Variants in IL17RD observed in about 807,000 individuals in gnomAD.
The protein encoded by IL17RD is interleukin-17 receptor D.
Under a neutral mutation model 80.5 loss-of-function variants are expected in IL17RD, and 52 were observed. That is an observed-to-expected ratio of 0.65 (90% CI 0.52 to 0.81). The LOEUF is 0.81. Ranked by LOEUF, IL17RD falls within the 40% of genes least tolerant of loss-of-function variation. The probability of loss-of-function intolerance (pLI) is 0.00; values close to 1 mark genes in which losing one functional copy is unlikely to be tolerated. For synonymous variants in IL17RD, 416 were observed against 391.8 expected (o/e 1.06, Z -0.73); for missense variants, 1,024 against 955.1 (o/e 1.07, Z -0.95).
At chr3:57,104,467 C>A in intron 7 of IL17RD, 60 bp from the exon 8 acceptor site, 1 of 1,089,282 alleles carries the variant, frequency 9.2e-7, no homozygotes, top group Non-Finnish European at 1.4e-6. Flanking sequence ...CTTCAGGACA[C>A]CTCTTCTCCC....
chr3:57,160,188 G>A (rs2060294264), intron 1 of IL17RD, among the ~76,000 whole-genome samples: 1 of 152,164 alleles, frequency 6.6e-6, no homozygotes, highest in African/African-American at 2.4e-5. Flanking sequence ...AGAGGCAGCG[G>A]GGAATGAAGG....
rs1706719364 is a variant in IL17RD at position 57,097,801 on chromosome 3, C to A, written c.1902G>T (p.Arg634=). ...GGGCGGCGCTACCGTCAAGGGCAGG[C>A]CGGGCCTCCCCGTCTTGGTCCAGGC... ...HGGLDQDGEA[R]PALDGSAALQ... is the part of the protein sequence containing the mutation. The change falls in exon 12 of 13, where the codon CGG becomes CGT. Residue 634 remains arginine (R), a synonymous_variant. Coordinates refer to ENST00000296318, the MANE Select transcript of IL17RD (RefSeq NM_017563.5). The A allele has an allele frequency of 1.2e-6, 2 of 1,605,180 alleles. No homozygotes were observed. The highest frequency in any genetic ancestry group is 1.7e-6 in the Non-Finnish European group (2 of 1,175,924).
intron 1 of IL17RD, among the ~76,000 whole-genome samples, chr3:57,125,037 T>C (rs186183111): frequency 2.0e-5 from 3 of 152,352 alleles, no homozygotes; most frequent in South Asian, 2.1e-4. Context: ...TTTGGAGTTA[T>C]GCAGATGTGT....
rs1477934776 is a variant in IL17RD, at chr3:57,094,742, C to A, written c.*1651G>T. On this transcript the variant is annotated 3_prime_UTR_variant, in exon 13 of 13. Coordinates refer to ENST00000296318, the MANE Select transcript of IL17RD (RefSeq NM_017563.5). ...GTCATGTGTGGGTAGGAGCTCTGCACTCATTCCAGATTCCATAGGAACAAC... is the reference window on the plus strand; with the variant it reads ...GTCATGTGTGGGTAGGAGCTCTGCAATCATTCCAGATTCCATAGGAACAAC... 6.6e-6 allele frequency: 1 copy of A among 152,174 alleles called. No individual in the cohort carries two copies. Among genetic ancestry groups the A allele is most frequent in the Non-Finnish European group, 1.5e-5 (1 of 68,024 alleles). 9.4% of individuals were successfully genotyped at this position (152,174 alleles called of 1,614,324 possible). A position where few individuals can be genotyped will look rare whatever the true frequency, so the allele number is the denominator to read the frequency against.
rs1706602466 is a variant in IL17RD, at chr3:57,093,447, C to CAA, written c.*2945_*2946insTT. On this transcript the variant is annotated 3_prime_UTR_variant, in exon 13 of 13. Coordinates refer to ENST00000296318, the MANE Select transcript of IL17RD (RefSeq NM_017563.5). ...AGGAATAAAATTGGTCCTCTTGCCC[C>CAA]TTATTTCTTTTAAAAGAAAAGATGC... 1 of 152,108 alleles carries CAA rather than the reference C, an allele frequency of 6.6e-6. No homozygotes were observed. Among genetic ancestry groups the CAA allele is most frequent in the African/African-American group, 2.4e-5 (1 of 41,408 alleles). 9.4% of individuals were successfully genotyped at this position (152,108 alleles called of 1,614,324 possible).
chr3:57,120,349 G>A (rs776096114), intron 1 of IL17RD, 36 bp from the exon 2 acceptor site: 1 of 1,529,178 alleles, frequency 6.5e-7, no homozygotes, highest in South Asian at 1.1e-5. Flanking sequence ...GCAGAGTGAA[G>A]CCAATTTGCT....
chr3:57,159,885 T>TG (rs1256851726), intron 1 of IL17RD, among the ~76,000 whole-genome samples: 4 of 151,984 alleles, frequency 2.6e-5, no homozygotes, highest in East Asian at 1.9e-4. Context: ...GAAGAGGCAG[T>TG]GGGGGGCCAG....
In IL17RD at chr3:57,096,340, G is replaced by A; in HGVS notation, c.*53C>T. 1 of 1,186,302 alleles carries A rather than the reference G, an allele frequency of 8.4e-7. No individual in the cohort carries two copies. The highest frequency in any genetic ancestry group is 1.3e-6 in the Non-Finnish European group (1 of 789,066). 73.5% of individuals were successfully genotyped at this position (1,186,302 alleles called of 1,614,324 possible). ...CATGCAACCAGGGAGATGAGCTGGG[G>A]AATCAGAGGGAGGCAGCAGCTAAAG... is the stretch of plus-strand genomic sequence containing the variant. On this transcript the variant is annotated 3_prime_UTR_variant, in exon 13 of 13. Coordinates refer to ENST00000296318, the MANE Select transcript of IL17RD (RefSeq NM_017563.5).
intron 1 of IL17RD, chr3:57,142,548 GCCTC>G: frequency 7.8e-7 from 1 of 1,274,160 alleles, no homozygotes; most frequent in South Asian, 1.2e-5. Context: ...CCCCACTCCG[GCCTC>G]CTGGCAGGGA....
At chr3:57,153,586 AC>A (rs1317585176) in intron 1 of IL17RD, among the ~76,000 whole-genome samples, 1 of 152,260 alleles carries the variant, frequency 6.6e-6, no homozygotes, top group Non-Finnish European at 1.5e-5. Context: ...ATTATGAATG[AC>A]ATTAAAAGGA....
At chr3:57,158,248 G>C (rs752935612) in intron 1 of IL17RD, among the ~76,000 whole-genome samples, 1 of 152,128 alleles carries the variant, frequency 6.6e-6, no homozygotes, top group Admixed American at 6.5e-5. Context: ...TATTAGATCA[G>C]GTATGGAATG....
At chr3:57,110,057 G>A (rs566589219) in intron 4 of IL17RD, 136 bp downstream of exon 4, 3 of 933,922 alleles carry the variant, frequency 3.2e-6, no homozygotes, top group Non-Finnish European at 3.2e-6. Flanking sequence ...AGGTGCTGCT[G>A]TACCATTCTT....
intron 1 of IL17RD, among the ~76,000 whole-genome samples, chr3:57,136,925 T>C (rs576864771): frequency 6.6e-6 from 1 of 152,278 alleles, no homozygotes; most frequent in African/African-American, 2.4e-5. Context: ...CTGCCTAGAA[T>C]GAATGGGCTA....
chr3:57,146,196 A>C (rs182668320), intron 1 of IL17RD, among the ~76,000 whole-genome samples: 110 of 152,354 alleles, frequency 7.2e-4, no homozygotes, highest in African/African-American at 2.6e-3. Context: ...AGGAAGACTC[A>C]CTAATCAATA....
chr3:57,160,247 G>A (rs1381859906), intron 1 of IL17RD, among the ~76,000 whole-genome samples: 1 of 151,940 alleles, frequency 6.6e-6, no homozygotes, highest in African/African-American at 2.4e-5. Context: ...GCAGACACCT[G>A]CTGGGGCACA....
intron 1 of IL17RD, among the ~76,000 whole-genome samples, chr3:57,124,856 C>T (rs1707416541): frequency 6.6e-6 from 1 of 152,216 alleles, no homozygotes; most frequent in Non-Finnish European, 1.5e-5. Context: ...TGCCCCCCAA[C>T]ACCCGGAGCT....
At chr3:57,126,253 C>A (rs562516440) in intron 1 of IL17RD, among the ~76,000 whole-genome samples, 1 of 152,184 alleles carries the variant, frequency 6.6e-6, no homozygotes, top group African/African-American at 2.4e-5. Context: ...TTAATTTGTT[C>A]CAAAGGGAGC....
Position 57,106,415 on chromosome 3 carries a change from G to C in IL17RD, c.551-261C>G, listed in dbSNP as rs116206639. Among the ~76,000 whole-genome samples, 4,407 of 152,282 alleles carry C rather than the reference G, an allele frequency of 0.029. 100 individuals are homozygous for C. The highest frequency in any genetic ancestry group is 0.044 in the Admixed American group (675 of 15,302). On this transcript the variant is annotated intron_variant, in intron 5 of 12. Transcript: ENST00000296318. ...AAAGTCACCCAGATTTTAAAAGCTT[G>C]TCAGGCATTACATAATTTCAAGGCT...
In IL17RD at chr3:57,093,039, T is replaced by G. The variant is rs1355033966; in HGVS notation, c.*3354A>C. 1 of 152,192 alleles carries G rather than the reference T, an allele frequency of 6.6e-6. No individual in the cohort carries two copies. Among genetic ancestry groups the G allele is most frequent in the Non-Finnish European group, 1.5e-5 (1 of 68,036 alleles). The allele number at this position is 152,192 out of a possible 1,614,324, so 9.4% of individuals were successfully genotyped here. ...GAAAAATGGGAAGATCAGGAAGTAC[T>G]TCATGGCCACAGTCGACTGGAAAAT... is the stretch of plus-strand genomic sequence containing the variant. On this transcript the variant is annotated 3_prime_UTR_variant, in exon 13 of 13. Coordinates refer to ENST00000296318, the MANE Select transcript of IL17RD (RefSeq NM_017563.5).
Sources: allele counts gnomAD v4.1 joint callset (sites outside exome capture counted in the v4.1 genomes callset), GRCh38; gene constraint gnomAD v4.1.1; transcripts MANE v1.5; gene names NCBI Gene and HGNC (gene_info 2026-07-23, HGNC 2026-07-21).